IGFN1: variants seen among roughly 807,000 people sequenced by gnomAD.
The protein encoded by IGFN1 is immunoglobulin like and fibronectin type III domain containing 1.
Under a neutral mutation model 289.5 loss-of-function variants are expected in IGFN1, and 253 were observed. The ratio of observed to expected loss-of-function variants is 0.87; its 90% CI spans 0.79 to 0.97. IGFN1 has a LOEUF of 0.97. IGFN1 is among the 50% of genes least tolerant of loss of function. The probability of loss-of-function intolerance (pLI) is 0.00; values close to 1 mark genes in which losing one functional copy is unlikely to be tolerated. For synonymous variants in IGFN1, 1,706 were observed against 1,788.5 expected (o/e 0.95, Z 1.16); for missense variants, 4,470 against 4,686.1 (o/e 0.95, Z 1.35).
In IGFN1 at chr1:201,208,054, C is replaced by T; in HGVS notation, c.3161C>T (p.Thr1054Ile). Reference sequence around the variant, plus strand: ...CCTGATGGAGCACCCATGAATGACACCAGGAATTGGGCCTCTGCATGCCAG... The same window carrying T: ...CCTGATGGAGCACCCATGAATGACATCAGGAATTGGGCCTCTGCATGCCAG... Reference protein sequence around the residue: ...GGPDGAPMNDTRNWASACQAG... With the variant: ...GGPDGAPMNDIRNWASACQAG... The change falls in exon 12 of 24, where the codon ACC becomes ATC. Residue 1054 changes from threonine (T) to isoleucine (I), a missense_variant. This residue lies in a region of IGFN1 where 2,011 missense variants were observed against 1,953.4 expected (regional missense o/e 1.03). Coordinates refer to ENST00000335211, the MANE Select transcript of IGFN1 (RefSeq NM_001164586.2). 1 of 1,536,918 alleles carries T rather than the reference C, an allele frequency of 6.5e-7. No individual in the cohort carries two copies. Among genetic ancestry groups the T allele is most frequent in the Non-Finnish European group, 8.7e-7 (1 of 1,146,858 alleles).
intron 1 of IGFN1, among the ~76,000 whole-genome samples, chr1:201,191,691 C>T (rs4565749): frequency 2.0e-5 from 3 of 152,130 alleles, no homozygotes; most frequent in Non-Finnish European, 4.4e-5. Context: ...AGTGGAGCTC[C>T]AGAAGTGGAT....
At chr1:201,215,382 C>G (rs1371892089) in intron 14 of IGFN1, among the ~76,000 whole-genome samples, 157 bp from the exon 15 acceptor site, 1 of 152,228 alleles carries the variant, frequency 6.6e-6, no homozygotes, top group African/African-American at 2.4e-5. Context: ...CTGGTCTCTT[C>G]TGCTGCAGAT....
chr1:201,212,902 G>A lies in IGFN1; in HGVS notation c.8009G>A (p.Gly2670Asp), dbSNP rs558891833. 6.4e-7 allele frequency: 1 copy of A among 1,551,456 alleles called. No homozygotes were observed. The change falls in exon 12 of 24, where the codon GGC becomes GAC. Residue 2670 changes from glycine (G) to aspartate (D), a missense_variant. By Grantham distance (94) the Gly-to-Asp change is moderately conservative. Around this residue, in one of 8 missense-constraint regions of IGFN1, gnomAD observed 2,218 missense variants for 2,114.1 expected, o/e 1.05. Transcript: ENST00000335211. Reference protein sequence around the residue: ...AFGGTHEGPGGFKGGEGAPGQ... With the variant: ...AFGGTHEGPGDFKGGEGAPGQ... ...GGTGGGACCCATGAAGGGCCAGGGG[G>A]CTTTAAGGGTGGGGAGGGTGCACCA...
intron 16 of IGFN1, 47 bp from the exon 17 acceptor site, chr1:201,217,240 G>T (rs377212447): frequency 1.4e-5 from 22 of 1,580,160 alleles, no homozygotes; most frequent in Non-Finnish European, 1.8e-5. Context: ...CCATGAGCCG[G>T]CACCTTTCCC....
chr1:201,224,615 T>A, intron 20 of IGFN1, 64 bp from the exon 21 acceptor site: 1 of 1,418,538 alleles, frequency 7.0e-7, no homozygotes, highest in Non-Finnish European at 9.8e-7. Context: ...CTAGCTTAAA[T>A]GCCATCACCT....
In IGFN1 at chr1:201,227,102, C is replaced by A. The variant is rs747512655; in HGVS notation, c.11007C>A (p.Cys3669Ter). 5.0e-6 allele frequency: 8 copies of A among 1,613,572 alleles called. No homozygotes were observed. In the East Asian group the frequency reaches 1.6e-4, roughly 31 times the overall value. ...AVYSTDLLGV[C>*]SLTIPSVSPK... is the part of the protein sequence containing the mutation. ...ACAGCACTGACCTGCTGGGCGTGTG[C>A]TCCCTCACCATCCCCAGCGTATCCC... The change falls in exon 23 of 24, where the codon TGC becomes TGA. Residue 3669 changes from cysteine to a stop codon, truncating the protein, a stop_gained. Coordinates refer to ENST00000335211, the MANE Select transcript of IGFN1 (RefSeq NM_001164586.2). LOFTEE classifies it high-confidence loss of function.
Position 201,206,170 on chromosome 1 carries a change from G to T in IGFN1, c.1277G>T (p.Gly426Val), listed in dbSNP as rs565133057. Reference protein sequence around the residue: ...GAQASGAEESGSIESQGEKSR... With the variant: ...GAQASGAEESVSIESQGEKSR... Reference sequence around the variant, plus strand: ...CAGGCATCAGGAGCAGAAGAGTCTGGGAGCATCGAGAGCCAGGGAGAGAAA... The same window carrying T: ...CAGGCATCAGGAGCAGAAGAGTCTGTGAGCATCGAGAGCCAGGGAGAGAAA... The change falls in exon 12 of 24, where the codon GGG becomes GTG. Residue 426 changes from glycine to valine, a missense_variant. Around this residue, in one of 8 missense-constraint regions of IGFN1, gnomAD observed 2,011 missense variants for 1,953.4 expected, o/e 1.03. Transcript: ENST00000335211. The T allele has an allele frequency of 2.3e-5, 35 of 1,550,722 alleles. No individual in the cohort carries two copies. The highest frequency in any genetic ancestry group is 1.7e-4 in the Middle Eastern group (1 of 5,982).
In IGFN1 at chr1:201,211,474, C is replaced by T. The variant is rs1278666093; in HGVS notation, c.6581C>T (p.Ala2194Val). Residue 2194 changes from alanine (A) to valine (V), a missense_variant, in exon 12 of 24, where the codon GCA (alanine) becomes GTA (valine). Physicochemically the swap from Ala to Val is moderately conservative, Grantham distance 64. Transcript: ENST00000335211. Reference protein sequence around the residue: ...APEGMGSGSKAGFRDGLGGSE... With the variant: ...APEGMGSGSKVGFRDGLGGSE... ...GAGGGAATGGGTTCAGGGAGTAAGG[C>T]AGGTTTCAGGGATGGTTTAGGGGGT... 1 of 1,496,196 alleles carries T rather than the reference C, an allele frequency of 6.7e-7. No homozygotes were observed. The highest frequency in any genetic ancestry group is 2.6e-5 in the East Asian group (1 of 38,076). 92.7% of individuals were successfully genotyped at this position (1,496,196 alleles called of 1,614,324 possible).
intron 8 of IGFN1, among the ~76,000 whole-genome samples, chr1:201,200,707 C>T (rs1667111493): frequency 6.6e-6 from 1 of 152,038 alleles, no homozygotes; most frequent in Non-Finnish European, 1.5e-5. Flanking sequence ...TCATGCCTAC[C>T]TTGTAGGGTT....
chr1:201,193,748 G>A (rs1237164346), intron 2 of IGFN1, among the ~76,000 whole-genome samples: 1 of 152,172 alleles, frequency 6.6e-6, no homozygotes, highest in Non-Finnish European at 1.5e-5. Flanking sequence ...CACCGTGCTT[G>A]GCTTTTTTTT....
chr1:201,204,829 TA>T (rs1166416730), intron 10 of IGFN1, among the ~76,000 whole-genome samples: 1 of 152,250 alleles, frequency 6.6e-6, no homozygotes, highest in Non-Finnish European at 1.5e-5. Flanking sequence ...ACCTTGTCCC[TA>T]AATATAACTT....
rs149196335 is a variant in IGFN1 at position 201,211,942 on chromosome 1, C to T, written c.7049C>T (p.Thr2350Met). 1,181 of 1,527,552 alleles carry T rather than the reference C, an allele frequency of 7.7e-4. 10 individuals carry two copies. In the Middle Eastern group the frequency reaches 0.014, roughly 18 times the overall value. The allele number at this position is 1,527,552 out of a possible 1,614,324, so 94.6% of individuals were successfully genotyped here. A position where few individuals can be genotyped will look rare whatever the true frequency, so the allele number is the denominator to read the frequency against. The change falls in exon 12 of 24, where the codon ACG becomes ATG. Residue 2350 changes from threonine to methionine, a missense_variant. This residue lies in a region of IGFN1 where 2,218 missense variants were observed against 2,114.1 expected (regional missense o/e 1.05). Coordinates refer to ENST00000335211, the MANE Select transcript of IGFN1 (RefSeq NM_001164586.2). ...GGAGGCTCAGGAGGATCTGGGGAAA[C>T]GGGACCAGAGGGTAAGATGGGTTAT... ...YRGGSGGSGETGPEGKMGYGD... is the reference protein window; with the variant it reads ...YRGGSGGSGEMGPEGKMGYGD...
intron 21 of IGFN1, 66 bp downstream of exon 21, chr1:201,224,940 C>T: frequency 8.0e-7 from 1 of 1,242,360 alleles, no homozygotes; most frequent in South Asian, 1.4e-5. Flanking sequence ...AAGAGGTGTC[C>T]ACTGGTCTGA....
Position 201,224,722 on chromosome 1 carries a change from C to A in IGFN1, c.10334C>A (p.Pro3445His). 3 of 1,614,178 alleles carry A rather than the reference C, an allele frequency of 1.9e-6. No homozygotes were observed. Among genetic ancestry groups the A allele is most frequent in the Non-Finnish European group, 1.7e-6 (2 of 1,180,032 alleles). ...GTGACCTGGCTGAAGGATGGCTTGCCCTTGCCCAAAAGAAGTGTGACTGTC... is the reference window on the plus strand; with the variant it reads ...GTGACCTGGCTGAAGGATGGCTTGCACTTGCCCAAAAGAAGTGTGACTGTC... Reference protein sequence around the residue: ...PEVTWLKDGLPLPKRSVTVTK... With the variant: ...PEVTWLKDGLHLPKRSVTVTK... The change falls in exon 21 of 24, where the codon CCC becomes CAC. Residue 3445 changes from proline (P) to histidine (H), a missense_variant. Transcript: ENST00000335211.
At chr1:201,205,595 C>A (rs571457395) in intron 11 of IGFN1, among the ~76,000 whole-genome samples, 4 of 152,316 alleles carry the variant, frequency 2.6e-5, no homozygotes, top group African/African-American at 9.6e-5. Flanking sequence ...GGGTCCTAGG[C>A]AGCCTTGGGA....
intron 11 of IGFN1, among the ~76,000 whole-genome samples, chr1:201,205,585 G>C (rs1331107180): frequency 6.6e-6 from 1 of 152,148 alleles, no homozygotes; most frequent in Non-Finnish European, 1.5e-5. Context: ...GATGGCTCTA[G>C]GGTCCTAGGC....
rs1318463320 is a variant in IGFN1, at chr1:201,216,353, G to GT, written c.9296-100dup. ...CTTATCTGCTGATGAGTGGATGGGG[G>GT]TGGGGGGGAGTCGGGGTGGCGGGGA... On this transcript the variant is annotated intron_variant, in intron 15 of 23. Transcript: ENST00000335211. 3 of 931,786 alleles carry GT rather than the reference G, an allele frequency of 3.2e-6. No individual in the cohort carries two copies. In the African/African-American group the frequency reaches 5.0e-5, roughly 16 times the overall value. 57.7% of individuals were successfully genotyped at this position (931,786 alleles called of 1,614,324 possible).
At chr1:201,198,797 T>G (rs1667020834) in intron 5 of IGFN1, among the ~76,000 whole-genome samples, 1 of 152,206 alleles carries the variant, frequency 6.6e-6, no homozygotes. Context: ...CAGGACAGTG[T>G]CACATGAGCA....
chr1:201,197,176 G>A, intron 4 of IGFN1, 42 bp from the exon 5 acceptor site: 2 of 1,217,196 alleles, frequency 1.6e-6, no homozygotes, highest in Non-Finnish European at 2.4e-6. Context: ...TGGAGGAAGG[G>A]GATGTGGTAG....
Sources: allele counts gnomAD v4.1 joint callset (sites outside exome capture counted in the v4.1 genomes callset), GRCh38; gene constraint gnomAD v4.1.1; regional missense constraint gnomAD v4.1.1; transcripts MANE v1.5; gene names NCBI Gene and HGNC (gene_info 2026-07-23, HGNC 2026-07-21).